AMZ2: variants seen among roughly 807,000 people sequenced by gnomAD.
The protein encoded by AMZ2 is archaelysin family metallopeptidase 2.
AMZ2 carries 26 observed loss-of-function variants against 36.7 expected under a neutral mutation model. The ratio of observed to expected loss-of-function variants is 0.71; its 90% confidence interval spans 0.52 to 0.98. The LOEUF is 0.98. Among genes scored for constraint, AMZ2 ranks in the 50% least tolerant of loss-of-function variants. The pLI, the probability that AMZ2 is intolerant of heterozygous loss-of-function variation, is 0.00. For synonymous variants in AMZ2, 144 were observed against 149.1 expected, an observed-to-expected ratio of 0.97 and a Z score of 0.25; for missense variants, 394 against 430.5, an observed-to-expected ratio of 0.92 and a Z score of 0.75.
At chr17:68,251,005 G>T in intron 3 of AMZ2, 38 bp downstream of exon 3, 1 of 1,608,810 alleles carries the variant, frequency 6.2e-7, no homozygotes, top group Non-Finnish European at 8.5e-7. Context: ...CTGAGTATAT[G>T]TATATAATAT....
chr17:68,213,706 T>C (rs879963457), intron 1 of AMZ2, among the ~76,000 whole-genome samples: 5 of 152,216 alleles, frequency 3.3e-5, no homozygotes, highest in Non-Finnish European at 5.9e-5. Context: ...CCTGACAACT[T>C]CCTCTTTTCC....
chr17:68,207,920 T>C (rs1376748978), intron 1 of AMZ2, among the ~76,000 whole-genome samples: 1 of 150,538 alleles, frequency 6.6e-6, no homozygotes, highest in Non-Finnish European at 1.5e-5. Context: ...GAGTTCCCAG[T>C]GGGTGTGGGC....
intron 4 of AMZ2, among the ~76,000 whole-genome samples, chr17:68,253,805 G>C (rs533921746): frequency 3.3e-5 from 5 of 151,338 alleles, no homozygotes; most frequent in African/African-American, 1.2e-4. Context: ...TCAGGCTGGA[G>C]TGCAATGGTG....
At chr17:68,231,859 A>C (rs1413526731) in intron 1 of AMZ2, among the ~76,000 whole-genome samples, 4 of 152,136 alleles carry the variant, frequency 2.6e-5, no homozygotes, top group African/African-American at 9.7e-5. Context: ...CAGAATTTCA[A>C]ATGAACAACA....
chr17:68,212,938 T>G (rs2073104557), intron 1 of AMZ2, among the ~76,000 whole-genome samples: 1 of 152,202 alleles, frequency 6.6e-6, no homozygotes, highest in African/African-American at 2.4e-5. Flanking sequence ...ACTTTCTACC[T>G]CATTTGGACT....
rs74252519 is a variant in AMZ2, at chr17:68,235,790, G to A, written c.-66-12850G>A. Reference sequence around the variant, plus strand: ...TGTGCCCTCAGCCTGGGCTGCCGTGGACTGGCCGTCCCTACCCCTCCAAGA... The same window carrying A: ...TGTGCCCTCAGCCTGGGCTGCCGTGAACTGGCCGTCCCTACCCCTCCAAGA... On this transcript the variant is annotated intron_variant, in intron 1 of 7. Coordinates refer to the AMZ2 transcript ENST00000674770. This position sits in a 1 kb window ranked among gnomAD's most constrained non-coding sequence, Gnocchi z 4.2. 0.13 allele frequency among the ~76,000 whole-genome samples: 19,018 copies of A among 151,914 alleles called. 1,547 individuals are homozygous for A. The highest frequency in any genetic ancestry group is 0.3 in the East Asian group (1,571 of 5,152).
intron 1 of AMZ2, chr17:68,206,370 G>C: frequency 1.0e-6 from 1 of 979,736 alleles, no homozygotes; most frequent in African/African-American, 1.8e-5. Context: ...GAGGGGAAAT[G>C]CGAGGGCACA....
intron 4 of AMZ2, among the ~76,000 whole-genome samples, chr17:68,251,936 A>G (rs1260633413): frequency 6.6e-6 from 1 of 152,134 alleles, no homozygotes; most frequent in Non-Finnish European, 1.5e-5. Flanking sequence ...GATTTGAGAT[A>G]TGTAATAAAC....
chr17:68,226,999 A>C (rs1465305603), intron 1 of AMZ2, among the ~76,000 whole-genome samples: 1 of 150,280 alleles, frequency 6.7e-6, no homozygotes, highest in African/African-American at 2.5e-5. Flanking sequence ...GGGATTTTGA[A>C]CTGCTGTTGT....
At position 68,228,801 on chromosome 17, in the gene AMZ2, C is replaced by T. The variant is rs555663187; in HGVS notation, c.-66-19839C>T. 5.2e-5 allele frequency among the ~76,000 whole-genome samples: 8 copies of T among 152,392 alleles called. No homozygotes were observed. In the East Asian group the frequency reaches 1.4e-3, roughly 26 times the overall value. On this transcript the variant is annotated intron_variant, in intron 1 of 7. Transcript: ENST00000674770. ...CCTTGGCCTGGCATTCACATTTCCA[C>T]CTGCTCCTCCTGCCTGCTACACCGA...
chr17:68,243,244 C>G (rs2073940434), upstream of AMZ2, among the ~76,000 whole-genome samples: 1 of 151,936 alleles, frequency 6.6e-6, no homozygotes, highest in African/African-American at 2.4e-5. Context: ...AAGCAATTCT[C>G]CTGCCTCAGC....
intron 1 of AMZ2, chr17:68,249,131 T>A: frequency 8.5e-7 from 1 of 1,172,748 alleles, no homozygotes; most frequent in Non-Finnish European, 1.1e-6. Flanking sequence ...TCTGATGTCT[T>A]CCCTAATGTG....
upstream of AMZ2, among the ~76,000 whole-genome samples, chr17:68,243,181 C>T (rs1285144071): frequency 2.0e-5 from 3 of 151,338 alleles, no homozygotes; most frequent in East Asian, 5.8e-4. Flanking sequence ...GTCACCCAGG[C>T]TGGAGTGTAG....
intron 1 of AMZ2, among the ~76,000 whole-genome samples, chr17:68,209,468 A>G (rs1370051856): frequency 1.3e-5 from 2 of 151,938 alleles, no homozygotes; most frequent in Non-Finnish European, 2.9e-5. Flanking sequence ...TGTTGGGATT[A>G]CAGGCGTGAG....
At chr17:68,215,241 T>C (rs541155205) in intron 1 of AMZ2, among the ~76,000 whole-genome samples, 1 of 151,934 alleles carries the variant, frequency 6.6e-6, no homozygotes, top group African/African-American at 2.4e-5. Context: ...AAGAAATATG[T>C]GTAAAATATG....
At chr17:68,250,543 G>A (rs1309321634) in intron 2 of AMZ2, 73 bp downstream of exon 2, 29 of 1,544,334 alleles carry the variant, frequency 1.9e-5, no homozygotes, top group Non-Finnish European at 2.5e-5. Context: ...TCCAGGCTAT[G>A]GGTCTGATTC....
chr17:68,228,691 C>T (rs1298760842), intron 1 of AMZ2, among the ~76,000 whole-genome samples: 9 of 152,244 alleles, frequency 5.9e-5, no homozygotes, highest in Non-Finnish European at 1.3e-4. Context: ...ATTTATTGAG[C>T]ATCTATTATT....
In AMZ2 at chr17:68,209,632, A is replaced by ATTTTTTTTTTTTT. The variant is rs1224207690; in HGVS notation, c.-67+3397_-67+3409dup. On this transcript the variant is annotated intron_variant, in intron 1 of 7. Transcript: ENST00000674770. The stretch of plus-strand genomic sequence containing the variant: ...TATGTATATATATATATATATATAT[A>ATTTTTTTTTTTTT]TTTTTTTTTTTTTTTATACAGAGTC... 1.2e-3 allele frequency among the ~76,000 whole-genome samples: 107 copies of ATTTTTTTTTTTTT among 90,644 alleles called. 1 individual carries two copies. The highest frequency in any genetic ancestry group is 4.9e-3 in the African/African-American group (98 of 20,172). The allele number at this position is 90,644 out of a possible 152,430, so 59.5% of individuals were successfully genotyped here.
In AMZ2 at chr17:68,250,385, T is replaced by C; in HGVS notation, c.198T>C (p.Ala66=). The C allele has an allele frequency of 6.2e-7, 1 of 1,614,186 alleles. No individual in the cohort carries two copies. The highest frequency in any genetic ancestry group is 2.2e-5 in the East Asian group (1 of 44,876). The change falls in exon 2 of 7, where the codon GCT becomes GCC. Residue 66 remains alanine (A), a synonymous_variant. Coordinates refer to ENST00000359904, the MANE Select transcript of AMZ2 (RefSeq NM_016627.5). The stretch of plus-strand genomic sequence containing the variant: ...ATTGGATCACCTCCCACCCTGAGGC[T>C]CCCCAAGACTTTGAACAGTTCTTCA... The part of the protein sequence containing the change: ...PSDWITSHPE[A]PQDFEQFFSD...
Sources: gnomAD v4.1 joint callset for allele counts (sites outside exome capture counted in the v4.1 genomes callset) on GRCh38, gnomAD v4.1.1 for gene constraint, Gnocchi (gnomAD v3.1) non-coding constraint, MANE v1.5 for transcripts, NCBI Gene and HGNC (gene_info 2026-07-23, HGNC 2026-07-21) for gene names.